FRMPD4: variants seen among roughly 807,000 people sequenced by gnomAD.
FRMPD4 encodes FERM and PDZ domain containing 4.
A neutral mutation model predicts 94.1 loss-of-function variants in FRMPD4; 22 were observed. The ratio of observed to expected loss-of-function variants is 0.23; its 90% CI spans 0.17 to 0.33. The LOEUF is 0.33. Ranked by LOEUF, FRMPD4 falls within the 10% of genes least tolerant of loss-of-function variation. FRMPD4 has a pLI of 1.00. For synonymous variants in FRMPD4, 631 were observed against 548.6 expected (o/e 1.15, Z -2.10); for missense variants, 1,111 against 1,339.9 (o/e 0.83, Z 2.67).
chrX:12,529,303 T>G (rs2058260658), intron 2 of FRMPD4, among the ~76,000 whole-genome samples: 1 of 112,974 alleles, frequency 8.9e-6, no homozygotes, highest in Non-Finnish European at 1.9e-5. Context: ...AACTGTTTAC[T>G]TCATCAAAAC....
At chrX:12,383,167 A>G (rs2056350696) in intron 1 of FRMPD4, among the ~76,000 whole-genome samples, 1 of 112,647 alleles carries the variant, frequency 8.9e-6, no homozygotes. Flanking sequence ...TCAAAAAAAC[A>G]TAGGCATGAT....
At chrX:12,459,476 C>A (rs754248394) in intron 1 of FRMPD4, among the ~76,000 whole-genome samples, 1 of 111,473 alleles carries the variant, frequency 9.0e-6, no homozygotes, top group African/African-American at 3.3e-5. Flanking sequence ...AATCTGCTCC[C>A]CTATCCCCTG....
rs1290918055 is a variant in FRMPD4 at position 11,989,556 on chromosome X, A to G, written c.95+111538A>G. On this transcript the variant is annotated intron_variant, in intron 3 of 18. Transcript: ENST00000640291. ...TTAATGGGCACAAAAAATAGAAAGA[A>G]TGAATAAGGCCTAGTATTCTAAAGT... Among the ~76,000 whole-genome samples the G allele has an allele frequency of 3.6e-5, 4 of 110,866 alleles. No individual in the cohort carries two copies. The South Asian group carries it at 1.5e-3, about 43-fold the overall frequency.
chrX:12,014,840 C>T (rs2054597603), intron 3 of FRMPD4, among the ~76,000 whole-genome samples: 2 of 110,956 alleles, frequency 1.8e-5, no homozygotes, highest in African/African-American at 6.6e-5. Context: ...GCATAAGTAC[C>T]GTAGCCCATG....
intron 3 of FRMPD4, among the ~76,000 whole-genome samples, chrX:11,954,259 A>G (rs1297315658): frequency 8.9e-6 from 1 of 112,472 alleles, no homozygotes; most frequent in Non-Finnish European, 1.9e-5. Context: ...CAAATACATA[A>G]CAGAGATTTA....
intron 3 of FRMPD4, among the ~76,000 whole-genome samples, chrX:12,041,000 A>G (rs184619088): frequency 1.8e-5 from 2 of 111,410 alleles, no homozygotes; most frequent in Admixed American, 1.9e-4. Flanking sequence ...AGGGATTACT[A>G]TACGCATCTT....
At chrX:12,274,964 G>C (rs1224070129) in intron 1 of FRMPD4, among the ~76,000 whole-genome samples, 1 of 111,890 alleles carries the variant, frequency 8.9e-6, no homozygotes, top group East Asian at 2.8e-4. Flanking sequence ...AGCGGTGATC[G>C]CGCCACTGCA....
chrX:12,000,626 G>A (rs1013562359), intron 3 of FRMPD4, among the ~76,000 whole-genome samples: 1 of 111,224 alleles, frequency 9.0e-6, no homozygotes. Flanking sequence ...TCCTTGCCCA[G>A]AACATACTTC....
intron 3 of FRMPD4, among the ~76,000 whole-genome samples, chrX:11,910,039 TG>T (rs1211374453): frequency 1.8e-5 from 2 of 112,245 alleles, no homozygotes; most frequent in Admixed American, 1.9e-4. Flanking sequence ...TAATAGTGTT[TG>T]TCAAGTATTT....
intron 3 of FRMPD4, among the ~76,000 whole-genome samples, chrX:11,942,642 C>A (rs888904748): frequency 3.5e-4 from 39 of 111,637 alleles, no homozygotes; most frequent in African/African-American, 1.3e-4. Flanking sequence ...TTGTCTTCCA[C>A]AATGTTGGTC....
At chrX:11,996,627 G>A (rs2054497499) in intron 3 of FRMPD4, among the ~76,000 whole-genome samples, 1 of 112,284 alleles carries the variant, frequency 8.9e-6, no homozygotes, top group Non-Finnish European at 1.9e-5. Context: ...CAGCCCTTGA[G>A]GCTGTAGACA....
chrX:12,708,449 A>G (rs1477480695), intron 13 of FRMPD4, among the ~76,000 whole-genome samples: 2 of 100,135 alleles, frequency 2.0e-5, no homozygotes, highest in African/African-American at 7.6e-5. Context: ...AGCCTGGGTA[A>G]CAGAGCGAGA....
At chrX:11,883,342 G>T in intron 3 of FRMPD4, among the ~76,000 whole-genome samples, 1 of 112,088 alleles carries the variant, frequency 8.9e-6, no homozygotes. Flanking sequence ...ATTGGATCTG[G>T]TCCTTATGTG....
At chrX:12,340,389 A>G (rs1295189720) in intron 1 of FRMPD4, among the ~76,000 whole-genome samples, 1 of 112,048 alleles carries the variant, frequency 8.9e-6, no homozygotes, top group Non-Finnish European at 1.9e-5. Flanking sequence ...AGAGAGAAAA[A>G]CCAGCCTAGG....
chrX:11,935,262 TTAATGTG>T (rs2054150132), intron 3 of FRMPD4, among the ~76,000 whole-genome samples: 1 of 31,566 alleles, frequency 3.2e-5, no homozygotes, highest in African/African-American at 1.1e-4. Flanking sequence ...TTTTTTTTTT[TTAATGTG>T]TTTTTTTTTT....
At chrX:12,539,530 G>A (rs945116991) in intron 2 of FRMPD4, among the ~76,000 whole-genome samples, 4 of 111,960 alleles carry the variant, frequency 3.6e-5, no homozygotes, top group African/African-American at 1.3e-4. Flanking sequence ...GTTAAGGGCA[G>A]CCAGAAAGAA....
At chrX:12,195,960 G>A (rs1233582838) in intron 1 of FRMPD4, among the ~76,000 whole-genome samples, 2 of 111,811 alleles carry the variant, frequency 1.8e-5, no homozygotes, top group Non-Finnish European at 3.8e-5. Flanking sequence ...AATGTTTATG[G>A]AATGACGGAA....
At chrX:12,343,174 A>G (rs1382845717) in intron 1 of FRMPD4, among the ~76,000 whole-genome samples, 1 of 112,132 alleles carries the variant, frequency 8.9e-6, no homozygotes, top group Non-Finnish European at 1.9e-5. Context: ...GGTAGCAGTG[A>G]AAAGGAGAAA....
At chrX:12,430,595 CT>C (rs1381473457) in intron 1 of FRMPD4, among the ~76,000 whole-genome samples, 1 of 111,997 alleles carries the variant, frequency 8.9e-6, no homozygotes. Context: ...CAGGGTTCAT[CT>C]TAACGCCTGG....
Sources: gnomAD v4.1 joint callset for allele counts (sites outside exome capture counted in the v4.1 genomes callset) on GRCh38, gnomAD v4.1.1 for gene constraint, MANE v1.5 for transcripts, NCBI Gene and HGNC (gene_info 2026-07-23, HGNC 2026-07-21) for gene names.